The following MARCHF6 variants were observed in gnomAD, a reference collection of about 807,000 sequenced individuals.
MARCHF6 encodes E3 ubiquitin-protein ligase MARCHF6.
A neutral mutation model predicts 133.7 loss-of-function variants in MARCHF6; 31 were observed. The observed-to-expected ratio is 0.23, with a 90% CI of 0.17 to 0.31. MARCHF6 has a LOEUF of 0.31. MARCHF6 is among the 10% of genes least tolerant of loss of function. MARCHF6 has a pLI of 1.00. For missense variants in MARCHF6, 723 were observed against 1,121.6 expected (o/e 0.64, Z 5.08); for synonymous variants, 395 against 402.5 (o/e 0.98, Z 0.22).
intron 25 of MARCHF6, among the ~76,000 whole-genome samples, chr5:10,430,698 G>T (rs1268633883): frequency 6.6e-6 from 1 of 152,142 alleles, no homozygotes; most frequent in Non-Finnish European, 1.5e-5. Flanking sequence ...ATAAAAATAA[G>T]AAGCCTGCAT....
chr5:10,358,121 A>G (rs974041199), intron 1 of MARCHF6, among the ~76,000 whole-genome samples: 3 of 152,160 alleles, frequency 2.0e-5, no homozygotes, highest in Admixed American at 6.5e-5. Context: ...TTAGCCATGC[A>G]GATACTCTGG....
intron 4 of MARCHF6, among the ~76,000 whole-genome samples, chr5:10,386,167 A>G (rs1055591275): frequency 1.3e-5 from 2 of 152,216 alleles, no homozygotes; most frequent in African/African-American, 2.4e-5. Flanking sequence ...TAAACATGTA[A>G]GTAATTTTTA....
At position 10,411,455 on chromosome 5, in the gene MARCHF6, A is replaced by G. The variant is rs1282538184; in HGVS notation, c.1814A>G (p.His605Arg). 1 of 1,614,246 alleles carries G rather than the reference A, an allele frequency of 6.2e-7. No individual in the cohort carries two copies. The highest frequency in any genetic ancestry group is 1.1e-5 in the South Asian group (1 of 91,086). Residue 605 changes from histidine to arginine, a missense_variant, in exon 19 of 26, where the codon CAT becomes CGT. Coordinates refer to ENST00000274140, the MANE Select transcript of MARCHF6 (RefSeq NM_005885.4). ...NAIPVVGEGLHAAHQAILQQG... is the reference protein window; with the variant it reads ...NAIPVVGEGLRAAHQAILQQG... ...ATTCCTGTGGTGGGAGAAGGCCTTCATGCAGCCCACCAAGCCATACTCCAG... is the reference window on the plus strand; with the variant it reads ...ATTCCTGTGGTGGGAGAAGGCCTTCGTGCAGCCCACCAAGCCATACTCCAG...
intron 15 of MARCHF6, among the ~76,000 whole-genome samples, chr5:10,404,104 CT>C (rs1268859843): frequency 6.6e-6 from 1 of 150,932 alleles, no homozygotes; most frequent in Non-Finnish European, 1.5e-5. Context: ...GATACTGAGT[CT>C]TGCTCTGTTG....
chr5:10,382,216 A>G (rs1561113568), intron 4 of MARCHF6, among the ~76,000 whole-genome samples: 1 of 152,216 alleles, frequency 6.6e-6, no homozygotes, highest in East Asian at 1.9e-4. Context: ...AAATCAAATC[A>G]TAATTAGATA....
intron 25 of MARCHF6, among the ~76,000 whole-genome samples, chr5:10,432,877 GT>G (rs1399884144): frequency 7.6e-5 from 11 of 145,010 alleles, no homozygotes; most frequent in Admixed American, 7.6e-4. Flanking sequence ...AGAACTTCCA[GT>G]TTTACTTTCA....
At chr5:10,374,485 G>A (rs749943585) in intron 1 of MARCHF6, among the ~76,000 whole-genome samples, 15 of 152,124 alleles carry the variant, frequency 9.9e-5, no homozygotes, top group Non-Finnish European at 1.5e-4. Context: ...TGGGCTGCCT[G>A]GATACTGCTG....
intron 1 of MARCHF6, among the ~76,000 whole-genome samples, chr5:10,355,645 A>T (rs1279995415): frequency 6.6e-6 from 1 of 152,222 alleles, no homozygotes; most frequent in Non-Finnish European, 1.5e-5. Context: ...TGAAGACTCA[A>T]CGTGTAGTAT....
At position 10,359,058 on chromosome 5, in the gene MARCHF6, C is replaced by T. The variant is rs530285901; in HGVS notation, c.19+5141C>T. Reference sequence around the variant, plus strand: ...CTCAAGTGTTGCTGTTGTTGGAGCTCATCTCTCCAGTAAATTGTATATGGT... The same window carrying T: ...CTCAAGTGTTGCTGTTGTTGGAGCTTATCTCTCCAGTAAATTGTATATGGT... On this transcript the variant is annotated intron_variant, in intron 1 of 25. Coordinates refer to ENST00000274140, the MANE Select transcript of MARCHF6 (RefSeq NM_005885.4). Among the ~76,000 whole-genome samples, 46 of 152,308 alleles carry T rather than the reference C, an allele frequency of 3.0e-4. No homozygotes were observed. The South Asian group carries it at 8.5e-3, about 28-fold the overall frequency.
intron 9 of MARCHF6, among the ~76,000 whole-genome samples, chr5:10,395,653 A>G (rs1738148827): frequency 6.6e-6 from 1 of 152,182 alleles, no homozygotes; most frequent in African/African-American, 2.4e-5. Flanking sequence ...AGGTAGCAGA[A>G]CCCCTGCTGG....
In MARCHF6 at chr5:10,392,438, C is replaced by T. The variant is rs140732845; in HGVS notation, c.766+707C>T. On this transcript the variant is annotated intron_variant, in intron 7 of 25. Transcript: ENST00000274140. ...AAAAAGAATCTTGAAGTTTATACTG[C>T]AGACAAGATGCCATCTAAATAAATC... Among the ~76,000 whole-genome samples the T allele has an allele frequency of 1.0e-3, 157 of 152,270 alleles. 2 individuals are homozygous for T. In the East Asian group the frequency reaches 0.028, roughly 27 times the overall value.
intron 17 of MARCHF6, among the ~76,000 whole-genome samples, chr5:10,409,483 T>C (rs1453862516): frequency 6.6e-6 from 1 of 152,122 alleles, no homozygotes; most frequent in Non-Finnish European, 1.5e-5. Context: ...TTGTCTGTAG[T>C]AGGAGGAGGA....
chr5:10,429,550 CCACCACACCTGG>C (rs1223713348), intron 24 of MARCHF6, among the ~76,000 whole-genome samples: 2 of 152,078 alleles, frequency 1.3e-5, no homozygotes, highest in Non-Finnish European at 2.9e-5. Flanking sequence ...AGGTGCAACG[CCACCACACCTGG>C]CTAATTTTTG....
intron 22 of MARCHF6, among the ~76,000 whole-genome samples, chr5:10,419,114 T>C (rs1739693723): frequency 6.6e-6 from 1 of 152,170 alleles, no homozygotes; most frequent in African/African-American, 2.4e-5. Flanking sequence ...AAATAAGTAA[T>C]ACAAAGAAGT....
rs554609132 is a variant in MARCHF6 at position 10,395,124 on chromosome 5, A to G, written c.861+339A>G. Among the ~76,000 whole-genome samples the G allele has an allele frequency of 2.0e-5, 3 of 152,322 alleles. No homozygotes were observed. The South Asian group carries it at 6.2e-4, about 32-fold the overall frequency. On this transcript the variant is annotated intron_variant, in intron 9 of 25. Coordinates refer to ENST00000274140, the MANE Select transcript of MARCHF6 (RefSeq NM_005885.4). ...AAAACTAATTCTTTCTAGTAACAGAATTGGAGTTGTCTTAGTGATTCAGAA... is the reference window on the plus strand; with the variant it reads ...AAAACTAATTCTTTCTAGTAACAGAGTTGGAGTTGTCTTAGTGATTCAGAA...
intron 24 of MARCHF6, among the ~76,000 whole-genome samples, chr5:10,428,612 G>C (rs1740216821): frequency 6.6e-6 from 1 of 152,102 alleles, no homozygotes; most frequent in Non-Finnish European, 1.5e-5. Flanking sequence ...AGAGTGCTGG[G>C]ATTACAGGCA....
chr5:10,380,302 T>C (rs908285150), intron 3 of MARCHF6, among the ~76,000 whole-genome samples: 8 of 152,202 alleles, frequency 5.3e-5, no homozygotes, highest in Admixed American at 3.3e-4. Flanking sequence ...TTTGGAGCTG[T>C]ATATTCATCA....
chr5:10,398,521 CATTT>C (rs1409674727), intron 10 of MARCHF6, among the ~76,000 whole-genome samples: 2 of 151,032 alleles, frequency 1.3e-5, no homozygotes, highest in Non-Finnish European at 2.9e-5. Context: ...TGTTATCCTG[CATTT>C]ATTTTTCATT....
intron 1 of MARCHF6, among the ~76,000 whole-genome samples, chr5:10,362,181 G>T (rs922520935): frequency 6.6e-6 from 1 of 152,136 alleles, no homozygotes; most frequent in Non-Finnish European, 1.5e-5. Context: ...CCCTGTTTAG[G>T]GTGCAGTTCT....
Sources: allele counts gnomAD v4.1 joint callset (sites outside exome capture counted in the v4.1 genomes callset), GRCh38; gene constraint gnomAD v4.1.1; transcripts MANE v1.5; gene names NCBI Gene and HGNC (gene_info 2026-07-23, HGNC 2026-07-21).